NXPH1: variants seen among roughly 807,000 people sequenced by gnomAD.
NXPH1 encodes the protein neurexophilin-1.
In NXPH1, 5 loss-of-function variants were observed where a neutral mutation model predicts 23.7. The ratio of observed to expected loss-of-function variants is 0.21; its 90% CI spans 0.11 to 0.44. The LOEUF (loss-of-function observed/expected upper bound fraction) is 0.44. NXPH1 is among the 20% of genes least tolerant of loss of function. The pLI, the probability that NXPH1 is intolerant of heterozygous loss-of-function variation, is 0.99. For missense variants in NXPH1, 324 were observed against 321.6 expected (o/e 1.01, Z -0.06); for synonymous variants, 144 against 122.2 (o/e 1.18, Z -1.18).
chr7:8,532,514 A>G (rs2128617464), intron 2 of NXPH1, among the ~76,000 whole-genome samples: 1 of 151,370 alleles, frequency 6.6e-6, no homozygotes, highest in South Asian at 2.1e-4. Flanking sequence ...TGAATAAAAT[A>G]TGAGTTTTTG....
At chr7:8,748,401 T>G (rs560831541) in intron 2 of NXPH1, among the ~76,000 whole-genome samples, 2 of 152,246 alleles carry the variant, frequency 1.3e-5, no homozygotes, top group East Asian at 3.9e-4. Context: ...TTTCCTATAT[T>G]TTCCCCAAGA....
At chr7:8,480,420 G>T (rs1459756704) in intron 2 of NXPH1, among the ~76,000 whole-genome samples, 1 of 152,098 alleles carries the variant, frequency 6.6e-6, no homozygotes, top group Non-Finnish European at 1.5e-5. Context: ...CTTTACCTGG[G>T]TATGCCCAAT....
chr7:8,668,415 T>C (rs1820814060), intron 2 of NXPH1, among the ~76,000 whole-genome samples: 2 of 152,132 alleles, frequency 1.3e-5, no homozygotes, highest in African/African-American at 4.8e-5. Context: ...TTTGCTACAG[T>C]TTACAGGTGA....
intron 2 of NXPH1, among the ~76,000 whole-genome samples, chr7:8,593,566 G>A (rs1391081629): frequency 6.6e-6 from 1 of 151,946 alleles, no homozygotes; most frequent in Non-Finnish European, 1.5e-5. Flanking sequence ...TGCCTGTGGG[G>A]TCAATTAAAG....
chr7:8,530,128 A>C (rs766676565), intron 2 of NXPH1, among the ~76,000 whole-genome samples: 3 of 152,158 alleles, frequency 2.0e-5, no homozygotes, highest in Non-Finnish European at 4.4e-5. Flanking sequence ...ATGTAGAGAA[A>C]AACCAATCAT....
intron 2 of NXPH1, among the ~76,000 whole-genome samples, chr7:8,606,626 GCAAAGATACAGGA>G (rs75575588): frequency 0.3 from 45,522 of 151,962 alleles, 7,597 homozygotes; most frequent in African/African-American, 0.43. Context: ...TTTGTACTGG[GCAAAGATACAGGA>G]CTGCTGCCCT....
chr7:8,478,823 G>T (rs1339937974), intron 2 of NXPH1, among the ~76,000 whole-genome samples: 2 of 151,840 alleles, frequency 1.3e-5, no homozygotes, highest in East Asian at 3.9e-4. Context: ...CTTTATAACA[G>T]AACAAAATGG....
intron 2 of NXPH1, among the ~76,000 whole-genome samples, chr7:8,600,423 T>C (rs1819332304): frequency 6.6e-6 from 1 of 152,208 alleles, no homozygotes; most frequent in Admixed American, 6.5e-5. Context: ...ATCTGTTTAG[T>C]GTCAGTTCCC....
At chr7:8,545,334 A>AT (rs1818183341) in intron 2 of NXPH1, among the ~76,000 whole-genome samples, 1 of 151,504 alleles carries the variant, frequency 6.6e-6, no homozygotes, top group Non-Finnish European at 1.5e-5. Context: ...CCTGTGCTGC[A>AT]TATCTACAGT....
At chr7:8,467,881 A>G (rs978387497) in intron 2 of NXPH1, among the ~76,000 whole-genome samples, 6 of 152,142 alleles carry the variant, frequency 3.9e-5, no homozygotes, top group African/African-American at 1.2e-4. Flanking sequence ...AAGCATGGCT[A>G]TTTATTTTGA....
intron 2 of NXPH1, among the ~76,000 whole-genome samples, chr7:8,633,756 C>A (rs1017103340): frequency 6.6e-6 from 1 of 152,172 alleles, no homozygotes; most frequent in Non-Finnish European, 1.5e-5. Flanking sequence ...CATGAGCTGA[C>A]AACAATGCAT....
chr7:8,522,083 ATTG>A, intron 2 of NXPH1, among the ~76,000 whole-genome samples: 1 of 152,332 alleles, frequency 6.6e-6, no homozygotes, highest in African/African-American at 2.4e-5. Context: ...ATAGGTAGTT[ATTG>A]TTCTTAAGAG....
intron 2 of NXPH1, among the ~76,000 whole-genome samples, chr7:8,627,649 A>G (rs980506959): frequency 2.0e-5 from 3 of 152,180 alleles, no homozygotes; most frequent in African/African-American, 7.2e-5. Context: ...TACCGTGGCA[A>G]TGAGATTCAT....
intron 2 of NXPH1, among the ~76,000 whole-genome samples, chr7:8,689,538 G>A (rs185697243): frequency 6.6e-6 from 1 of 152,298 alleles, no homozygotes; most frequent in African/African-American, 2.4e-5. Flanking sequence ...CTAGAACCCA[G>A]AAATAGTGTT....
intron 2 of NXPH1, among the ~76,000 whole-genome samples, chr7:8,468,729 C>CT (rs1439397307): frequency 6.6e-6 from 1 of 151,898 alleles, no homozygotes; most frequent in Non-Finnish European, 1.5e-5. Context: ...ATTGAAAATG[C>CT]TTTTTTTATT....
At chr7:8,714,419 T>C (rs1291491436) in intron 2 of NXPH1, among the ~76,000 whole-genome samples, 2 of 151,958 alleles carry the variant, frequency 1.3e-5, no homozygotes, top group African/African-American at 4.8e-5. Context: ...AGGACCCTGC[T>C]TAGTGCTCTT....
intron 2 of NXPH1, among the ~76,000 whole-genome samples, chr7:8,522,702 G>A (rs1202162797): frequency 1.3e-5 from 2 of 152,168 alleles, no homozygotes; most frequent in Non-Finnish European, 2.9e-5. Context: ...GCTGAATTGT[G>A]AGCCCAAGTC....
intron 2 of NXPH1, among the ~76,000 whole-genome samples, chr7:8,528,110 AAGTGGGGAGAGAGG>A (rs1417793878): frequency 9.9e-5 from 15 of 152,228 alleles, no homozygotes; most frequent in African/African-American, 3.4e-4. Flanking sequence ...GGAGCTGTGG[AAGTGGGGAGAGAGG>A]AGTGGGGAAG....
rs148374897 is a variant in NXPH1 at position 8,721,070 on chromosome 7, G to T, written c.55-29938G>T. ...AGATGCCATTAGAATAATGGCAATA[G>T]GTTAAATTATGGTAATATATCAAGG... On this transcript the variant is annotated intron_variant, in intron 2 of 2. Coordinates refer to ENST00000405863, the MANE Select transcript of NXPH1 (RefSeq NM_152745.3). 4.5e-4 allele frequency among the ~76,000 whole-genome samples: 69 copies of T among 152,294 alleles called. 1 individual carries two copies. Among genetic ancestry groups the T allele is most frequent in the African/African-American group, 1.6e-3 (66 of 41,566 alleles).
Sources: gnomAD v4.1 joint callset for allele counts (sites outside exome capture counted in the v4.1 genomes callset) on GRCh38, gnomAD v4.1.1 for gene constraint, MANE v1.5 for transcripts, NCBI Gene and HGNC (gene_info 2026-07-23, HGNC 2026-07-21) for gene names.